XIRP2: variants seen among roughly 807,000 people sequenced by gnomAD.
XIRP2 encodes xin actin-binding repeat-containing protein 2.
A neutral mutation model predicts 277.0 loss-of-function variants in XIRP2; 236 were observed. That is an observed-to-expected ratio of 0.85 (90% confidence interval 0.77 to 0.95). The LOEUF is 0.95. Ranked by LOEUF, XIRP2 falls within the 40% of genes least tolerant of loss-of-function variation. XIRP2 has a pLI of 0.00. For missense variants in XIRP2, 4,640 were observed against 4,157.5 expected (o/e 1.12, Z -3.19); for synonymous variants, 1,490 against 1,416.5 (o/e 1.05, Z -1.17).
At chr2:166,988,193 T>C (rs969409224) in intron 2 of XIRP2, among the ~76,000 whole-genome samples, 2 of 152,304 alleles carry the variant, frequency 1.3e-5, no homozygotes, top group African/African-American at 4.8e-5. Context: ...CTTGAAAGCA[T>C]CTAACATTAC....
At chr2:166,907,058 T>C (rs1684543430) in intron 2 of XIRP2, among the ~76,000 whole-genome samples, 1 of 152,158 alleles carries the variant, frequency 6.6e-6, no homozygotes, top group Non-Finnish European at 1.5e-5. Flanking sequence ...AGTGAGAAAT[T>C]CTTAAAATAA....
chr2:167,182,614 A>T (rs1693048412), intron 3 of XIRP2, among the ~76,000 whole-genome samples: 1 of 152,342 alleles, frequency 6.6e-6, no homozygotes, highest in Non-Finnish European at 1.5e-5. Flanking sequence ...AATGAATTCA[A>T]TTCCCACTTT....
chr2:167,039,027 T>C, intron 2 of XIRP2, among the ~76,000 whole-genome samples: 1 of 152,186 alleles, frequency 6.6e-6, no homozygotes, highest in Non-Finnish European at 1.5e-5. Context: ...AGAATGTTAA[T>C]TCTTTGAACC....
chr2:167,134,994 G>A (rs1345508798), intron 2 of XIRP2, among the ~76,000 whole-genome samples: 1 of 152,024 alleles, frequency 6.6e-6, no homozygotes, highest in Non-Finnish European at 1.5e-5. Context: ...TCATATTGTG[G>A]ACCGCAGGTA....
intron 2 of XIRP2, among the ~76,000 whole-genome samples, chr2:166,997,671 C>G (rs1429783790): frequency 6.6e-6 from 1 of 152,056 alleles, no homozygotes; most frequent in East Asian, 1.9e-4. Context: ...CTTTGGGAGG[C>G]TGAGGCAGGT....
intron 4 of XIRP2, among the ~76,000 whole-genome samples, chr2:167,213,264 TTAATACTCACAATAAATCTG>T (rs1694110899): frequency 6.6e-6 from 1 of 152,168 alleles, no homozygotes; most frequent in African/African-American, 2.4e-5. Flanking sequence ...TTTACCTTTT[TTAATACTCACAATAAATCTG>T]TGAGAAAAAT....
intron 2 of XIRP2, among the ~76,000 whole-genome samples, chr2:167,079,437 AT>A: frequency 6.6e-6 from 1 of 152,306 alleles, no homozygotes; most frequent in African/African-American, 2.4e-5. Flanking sequence ...GTCTGGTAGA[AT>A]TCGGCTGTGA....
chr2:166,926,947 T>G (rs1685203750), intron 2 of XIRP2, among the ~76,000 whole-genome samples: 1 of 152,106 alleles, frequency 6.6e-6, no homozygotes, highest in Admixed American at 6.6e-5. Flanking sequence ...AATAGTCAAC[T>G]CTCAGTTATT....
At chr2:167,192,210 C>T (rs575189786) in intron 3 of XIRP2, among the ~76,000 whole-genome samples, 2 of 152,104 alleles carry the variant, frequency 1.3e-5, no homozygotes, top group East Asian at 3.9e-4. Context: ...AACTTAATTG[C>T]ATTGAAATCA....
chr2:167,235,495 G>T (rs540600386), intron 5 of XIRP2, among the ~76,000 whole-genome samples: 1 of 151,976 alleles, frequency 6.6e-6, no homozygotes, highest in East Asian at 1.9e-4. Flanking sequence ...CATTTTATTG[G>T]CTATCTACTG....
intron 2 of XIRP2, among the ~76,000 whole-genome samples, chr2:166,996,839 A>G (rs1687235351): frequency 6.6e-6 from 1 of 152,108 alleles, no homozygotes; most frequent in Non-Finnish European, 1.5e-5. Flanking sequence ...AACTCACTCA[A>G]TCTTCACTTC....
At chr2:166,919,567 A>T (rs1444145290) in intron 2 of XIRP2, among the ~76,000 whole-genome samples, 1 of 152,190 alleles carries the variant, frequency 6.6e-6, no homozygotes, top group African/African-American at 2.4e-5. Context: ...TATTAATGAT[A>T]CAACAATATA....
At chr2:167,080,908 T>A (rs1689710002) in intron 2 of XIRP2, among the ~76,000 whole-genome samples, 1 of 152,144 alleles carries the variant, frequency 6.6e-6, no homozygotes. Context: ...AAATATTAGA[T>A]GTAAAAATTT....
At chr2:166,932,184 G>C (rs961723100) in intron 2 of XIRP2, among the ~76,000 whole-genome samples, 1 of 149,704 alleles carries the variant, frequency 6.7e-6, no homozygotes, top group Non-Finnish European at 1.5e-5. Flanking sequence ...TCCTGTTTGT[G>C]ACTTACATGT....
At chr2:166,909,564 A>G (rs193295783) in intron 2 of XIRP2, among the ~76,000 whole-genome samples, 26 of 152,340 alleles carry the variant, frequency 1.7e-4, no homozygotes, top group Non-Finnish European at 2.1e-4. Flanking sequence ...ATCTGCAAAC[A>G]GGGATAATTT....
intron 2 of XIRP2, among the ~76,000 whole-genome samples, chr2:166,981,825 G>C (rs1228514868): frequency 2.0e-5 from 3 of 152,174 alleles, no homozygotes. Flanking sequence ...CACATTCTGA[G>C]ATTCTGAGTG....
At chr2:167,014,973 G>A (rs75712137) in intron 2 of XIRP2, among the ~76,000 whole-genome samples, 2,939 of 151,788 alleles carry the variant, frequency 0.019, 96 homozygotes, top group African/African-American at 0.067. Context: ...TGCAGGTCAT[G>A]CAATCAACCA....
At chr2:166,909,731 T>C (rs1242022889) in intron 2 of XIRP2, among the ~76,000 whole-genome samples, 1 of 151,936 alleles carries the variant, frequency 6.6e-6, no homozygotes, top group East Asian at 1.9e-4. Context: ...TTTGCCCATT[T>C]AGTATGATAT....
Position 167,259,434 on chromosome 2 carries a change from G to T in XIRP2, c.*1617G>T. The T allele has an allele frequency of 6.9e-7, 1 of 1,439,356 alleles. No individual in the cohort carries two copies. Among genetic ancestry groups the T allele is most frequent in the East Asian group, 2.4e-5 (1 of 41,950 alleles). 89.2% of individuals were successfully genotyped at this position (1,439,356 alleles called of 1,614,324 possible). A position where few individuals can be genotyped will look rare whatever the true frequency, so the allele number is the denominator to read the frequency against. On this transcript the variant is annotated 3_prime_UTR_variant, in exon 11 of 11. Transcript: ENST00000409195. The stretch of plus-strand genomic sequence containing the variant: ...TTGATGTTCTGAAATAAGATTTTAT[G>T]AATTTGGATACCCTTTTGAGGAACT...
Sources: gnomAD v4.1 joint callset for allele counts (sites outside exome capture counted in the v4.1 genomes callset) on GRCh38, gnomAD v4.1.1 for gene constraint, MANE v1.5 for transcripts, NCBI Gene and HGNC (gene_info 2026-07-23, HGNC 2026-07-21) for gene names.